The following IQSEC2 variants were observed in gnomAD, a reference collection of about 807,000 sequenced individuals.
The protein encoded by IQSEC2 is IQ motif and Sec7 domain ArfGEF 2.
Under a neutral mutation model 74.6 loss-of-function variants are expected in IQSEC2, and 6 were observed. That is an observed-to-expected ratio of 0.08 (90% confidence interval 0.04 to 0.16). The LOEUF (loss-of-function observed/expected upper bound fraction) is 0.16. IQSEC2 is among the 10% of genes least tolerant of loss of function. IQSEC2 has a pLI of 1.00. For missense variants in IQSEC2, 734 were observed against 1,306.2 expected (o/e 0.56, Z 6.75); for synonymous variants, 494 against 544.5 (o/e 0.91, Z 1.29).
chrX:53,266,768 G>T, intron 2 of IQSEC2: 1 of 1,010,124 alleles, frequency 9.9e-7, no homozygotes, highest in Non-Finnish European at 1.3e-6. Flanking sequence ...TCAGGGGCTG[G>T]AGTCCAGAGG....
At position 53,251,029 on chromosome X, in the gene IQSEC2, A is replaced by G. The variant is rs2074382820; in HGVS notation, c.1547T>C (p.Leu516Pro). The change falls in exon 5 of 15, where the codon CTT becomes CCT. Residue 516 changes from leucine (L) to proline (P), a missense_variant. Physicochemically the swap from Leu to Pro is moderately conservative, Grantham distance 98. Around this residue, in one of 12 missense-constraint regions of IQSEC2, gnomAD observed 204 missense variants for 305.4 expected, o/e 0.67. Coordinates refer to ENST00000642864, the MANE Select transcript of IQSEC2 (RefSeq NM_001111125.3). ...AACTGTGTCATCCAGGTAGAGGGGA[A>G]GATCACTGAAGGATGTGGCTGAGCT... ...EDSSATSFSDLPLYLDDTVPQ... is the reference protein window; with the variant it reads ...EDSSATSFSDPPLYLDDTVPQ... The G allele has an allele frequency of 8.3e-7, 1 of 1,209,927 alleles. No homozygotes were observed. Among genetic ancestry groups the G allele is most frequent in the Admixed American group, 2.2e-5 (1 of 45,808 alleles).
intron 1 of IQSEC2, among the ~76,000 whole-genome samples, chrX:53,315,203 C>T (rs899912242): frequency 5.4e-5 from 6 of 111,654 alleles, no homozygotes; most frequent in Non-Finnish European, 1.1e-4. Flanking sequence ...CCAGCCTGAC[C>T]AACATGGTGA....
chrX:53,306,166 C>T (rs1052138826), intron 1 of IQSEC2, among the ~76,000 whole-genome samples: 2 of 111,947 alleles, frequency 1.8e-5, no homozygotes, highest in Non-Finnish European at 3.8e-5. Context: ...AGCCTCCAAG[C>T]CCCCCCGAGT....
At chrX:53,248,350 G>T in intron 6 of IQSEC2, 114 bp from the exon 7 acceptor site, 1 of 965,083 alleles carries the variant, frequency 1.0e-6, no homozygotes, top group Non-Finnish European at 1.4e-6. Context: ...TCAAATTCAG[G>T]ACCTGTGGCC....
chrX:53,270,871 G>T (rs185504545), intron 2 of IQSEC2, among the ~76,000 whole-genome samples: 39 of 110,470 alleles, frequency 3.5e-4, no homozygotes, highest in African/African-American at 1.1e-3. Flanking sequence ...TCTTCCTCCT[G>T]ATCACCTCTC....
chrX:53,320,107 AAACC>A (rs2075414766), intron 1 of IQSEC2, among the ~76,000 whole-genome samples: 1 of 112,060 alleles, frequency 8.9e-6, no homozygotes, highest in Non-Finnish European at 1.9e-5. Flanking sequence ...AAATAAATGA[AAACC>A]TATCTTCTGG....
At chrX:53,281,295 G>T (rs782020930) in intron 2 of IQSEC2, among the ~76,000 whole-genome samples, 1 of 112,567 alleles carries the variant, frequency 8.9e-6, no homozygotes, top group South Asian at 3.6e-4. Context: ...GGGTTCCAGG[G>T]TCCTTCCAGA....
At chrX:53,278,240 G>T (rs2074876552) in intron 2 of IQSEC2, among the ~76,000 whole-genome samples, 1 of 109,555 alleles carries the variant, frequency 9.1e-6, no homozygotes, top group African/African-American at 3.3e-5. Flanking sequence ...TCGATCTCCT[G>T]ACCTCGTGAT....
At chrX:53,248,613 G>A in intron 6 of IQSEC2, 108 bp downstream of exon 6, 1 of 881,371 alleles carries the variant, frequency 1.1e-6, no homozygotes, top group Non-Finnish European at 1.6e-6. Context: ...TATTCATCCT[G>A]TTTTGAAAAG....
At chrX:53,294,686 T>C (rs190232202) in intron 1 of IQSEC2, among the ~76,000 whole-genome samples, 18 of 112,183 alleles carry the variant, frequency 1.6e-4, no homozygotes, top group African/African-American at 5.2e-4. Context: ...TTATCTCTTT[T>C]ATCAACTAGA....
chrX:53,239,182 A>G lies in IQSEC2; in HGVS notation c.3115+13T>C, dbSNP rs891381313. The G allele has an allele frequency of 2.6e-6, 3 of 1,162,341 alleles. No homozygotes were observed. Among genetic ancestry groups the G allele is most frequent in the South Asian group, 3.6e-5 (2 of 55,859 alleles). On this transcript the variant is annotated intron_variant, in intron 11 of 14. Coordinates refer to ENST00000642864, the MANE Select transcript of IQSEC2 (RefSeq NM_001111125.3). ...ATAGACTCTCAGGAGCTGGGATCCA[A>G]GAAGGGACTCACATGAATTCTGGAA...
At chrX:53,242,051 C>T in intron 9 of IQSEC2, 142 bp from the exon 10 acceptor site, 4 of 684,355 alleles carry the variant, frequency 5.8e-6, no homozygotes, top group Non-Finnish European at 9.0e-6. Flanking sequence ...CAACTAAGAC[C>T]TAAACTTATC....
rs1556865186 is a variant in IQSEC2, at chrX:53,256,043, T to C, written c.756A>G (p.Pro252=). 3.4e-6 allele frequency: 4 copies of C among 1,175,130 alleles called. No homozygotes were observed. The highest frequency in any genetic ancestry group is 1.8e-5 in the African/African-American group (1 of 56,451). ...CAACCGCTGTGCTCAGGTCACTGCCTGGGGCATCACCCTCCACACTGTGGG... is the reference window on the plus strand; with the variant it reads ...CAACCGCTGTGCTCAGGTCACTGCCCGGGGCATCACCCTCCACACTGTGGG... ...SRTVSVEGDA[P]GSDLSTAVDS... The change falls in exon 3 of 15, where the codon CCA becomes CCG. Residue 252 remains proline (P), a synonymous_variant. Transcript: ENST00000642864.
intron 1 of IQSEC2, 32 bp from the exon 2 acceptor site, chrX:53,291,956 CG>C: frequency 8.7e-7 from 1 of 1,153,120 alleles, no homozygotes; most frequent in Non-Finnish European, 1.2e-6. Flanking sequence ...AAAACCAAAA[CG>C]GTCAGTATAC....
At chrX:53,285,773 G>T (rs1453018051) in intron 2 of IQSEC2, among the ~76,000 whole-genome samples, 2 of 112,666 alleles carry the variant, frequency 1.8e-5, no homozygotes, top group Non-Finnish European at 3.8e-5. Context: ...GAGTCAGGAG[G>T]CCTCTGAGGA....
chrX:53,264,044 G>A (rs1438786146), intron 2 of IQSEC2, among the ~76,000 whole-genome samples: 3 of 112,052 alleles, frequency 2.7e-5, no homozygotes, highest in Non-Finnish European at 5.6e-5. Flanking sequence ...CACCCTAAAG[G>A]CCACAGCCTC....
chrX:53,228,407 C>G (rs1230419557), downstream of IQSEC2, among the ~76,000 whole-genome samples: 1 of 111,392 alleles, frequency 9.0e-6, no homozygotes, highest in Non-Finnish European at 1.9e-5. Context: ...TGGGGGACAA[C>G]CGGAGTCTAG....
chrX:53,244,214 C>T (rs1418397714), intron 8 of IQSEC2, among the ~76,000 whole-genome samples: 35 of 95,863 alleles, frequency 3.7e-4, no homozygotes, highest in Non-Finnish European at 6.2e-4. Flanking sequence ...GAGACTCTGT[C>T]TCAAAAAAAA....
chrX:53,310,854 C>T (rs2075313909), intron 1 of IQSEC2, among the ~76,000 whole-genome samples: 1 of 109,931 alleles, frequency 9.1e-6, no homozygotes, highest in Admixed American at 9.8e-5. Context: ...GGCGCAGTGG[C>T]TCACACCTGT....
Sources: gnomAD v4.1 joint callset for allele counts (sites outside exome capture counted in the v4.1 genomes callset) on GRCh38, gnomAD v4.1.1 for gene constraint, gnomAD v4.1.1 regional missense constraint, MANE v1.5 for transcripts, NCBI Gene and HGNC (gene_info 2026-07-23, HGNC 2026-07-21) for gene names.